The following HNRNPLL variants were observed in gnomAD, a reference collection of about 807,000 sequenced individuals.
HNRNPLL encodes the protein heterogeneous nuclear ribonucleoprotein L-like.
A neutral mutation model predicts 67.1 loss-of-function variants in HNRNPLL; 25 were observed. The observed-to-expected ratio is 0.37, with a 90% CI of 0.27 to 0.52. HNRNPLL has a LOEUF of 0.52. Among genes scored for constraint, HNRNPLL ranks in the 20% least tolerant of loss-of-function variants. The pLI is 0.90. For missense variants in HNRNPLL, 542 were observed against 673.9 expected, an observed-to-expected ratio of 0.80 and a Z score of 2.17; for synonymous variants, 267 against 241.7, an observed-to-expected ratio of 1.10 and a Z score of -0.97.
chr2:38,563,367 A>G lies in HNRNPLL; in HGVS notation c.*815T>C, dbSNP rs1665732316. 1 of 152,130 alleles carries G rather than the reference A, an allele frequency of 6.6e-6. No homozygotes were observed. Among genetic ancestry groups the G allele is most frequent in the Non-Finnish European group, 1.5e-5 (1 of 67,954 alleles). The allele number at this position is 152,130 out of a possible 1,614,324, so 9.4% of individuals were successfully genotyped here. On this transcript the variant is annotated 3_prime_UTR_variant, in exon 13 of 13. Coordinates refer to ENST00000449105, the MANE Select transcript of HNRNPLL (RefSeq NM_138394.4). The stretch of plus-strand genomic sequence containing the variant: ...TTCTACATACAATTTTAGGGGGTAC[A>G]CAGATTCTCTGAAGCCCACCCATGG...
At chr2:38,587,126 T>G (rs75654982) in intron 2 of HNRNPLL, among the ~76,000 whole-genome samples, 2,548 of 152,252 alleles carry the variant, frequency 0.017, 65 homozygotes, top group African/African-American at 0.058. Context: ...ACATCACTGT[T>G]TCTCAATCAG....
intron 7 of HNRNPLL, among the ~76,000 whole-genome samples, chr2:38,575,027 G>A (rs1666245904): frequency 1.3e-5 from 2 of 151,552 alleles, no homozygotes; most frequent in Admixed American, 6.6e-5. Context: ...TCTTTTTCAT[G>A]GAAGTAGAAA....
chr2:38,599,247 T>C (rs994866391), intron 1 of HNRNPLL, among the ~76,000 whole-genome samples: 1 of 152,230 alleles, frequency 6.6e-6, no homozygotes, highest in Admixed American at 6.5e-5. Flanking sequence ...TTTCACTTCA[T>C]CAGCAAACCA....
intron 1 of HNRNPLL, among the ~76,000 whole-genome samples, chr2:38,598,062 C>G (rs556293751): frequency 6.6e-6 from 1 of 151,824 alleles, no homozygotes; most frequent in Admixed American, 6.6e-5. Flanking sequence ...TTTTGCCTAC[C>G]CAGAATTCCT....
chr2:38,569,105 C>G, intron 10 of HNRNPLL, 28 bp downstream of exon 10: 2 of 1,439,068 alleles, frequency 1.4e-6, no homozygotes, highest in East Asian at 4.5e-5. Flanking sequence ...TAGCAACATT[C>G]TATACACATT....
intron 1 of HNRNPLL, among the ~76,000 whole-genome samples, chr2:38,593,881 A>C (rs149890413): frequency 0.014 from 2,126 of 150,260 alleles, 11 homozygotes; most frequent in Middle Eastern, 0.052. Flanking sequence ...AACAAAAAAA[A>C]ACCTAAATGC....
At chr2:38,577,581 T>TC (rs781444130) in intron 6 of HNRNPLL, 49 bp from the exon 7 acceptor site, 9 of 1,129,810 alleles carry the variant, frequency 8.0e-6, no homozygotes, top group Middle Eastern at 2.0e-4. Context: ...CCCAAGTACT[T>TC]AATGGAGTTC....
intron 1 of HNRNPLL, chr2:38,601,641 T>C (rs941309663): frequency 1.1e-4 from 17 of 152,222 alleles, no homozygotes; most frequent in African/African-American, 3.9e-4. Context: ...GAGAAAGACC[T>C]GGCTCTAGGA....
intron 8 of HNRNPLL, 32 bp from the exon 9 acceptor site, chr2:38,569,957 T>C (rs892151581): frequency 2.0e-6 from 3 of 1,511,382 alleles, no homozygotes; most frequent in Non-Finnish European, 2.7e-6. Flanking sequence ...AAGGTGACCA[T>C]TTAATTCCCT....
At chr2:38,589,683 C>A (rs1302477053) in intron 2 of HNRNPLL, among the ~76,000 whole-genome samples, 2 of 152,106 alleles carry the variant, frequency 1.3e-5, no homozygotes, top group African/African-American at 4.8e-5. Flanking sequence ...CAAAGGTCAC[C>A]AGGAGTAATT....
intron 8 of HNRNPLL, among the ~76,000 whole-genome samples, chr2:38,570,729 AC>A (rs928496547): frequency 8.6e-4 from 131 of 152,186 alleles, no homozygotes; most frequent in African/African-American, 3.0e-3. Flanking sequence ...CATTCCAAGA[AC>A]CCCAATGGAT....
intron 4 of HNRNPLL, among the ~76,000 whole-genome samples, chr2:38,582,678 G>A (rs901816269): frequency 6.6e-6 from 1 of 152,076 alleles, no homozygotes; most frequent in Non-Finnish European, 1.5e-5. Context: ...CCAGCACTTT[G>A]GGAGGCTGAA....
In HNRNPLL at chr2:38,591,609, C is replaced by T. The variant is rs889887116; in HGVS notation, c.229G>A (p.Val77Ile). ...GSHHKVSVSP[V>I]VHVRGLCESV... is the part of the protein sequence containing the mutation. ...TCACAGAGTCCTCGAACATGGACGA[C>T]GGGTGAAACAGAAACTTTATGATGA... The change falls in exon 2 of 13, where the codon GTC becomes ATC. Residue 77 changes from valine to isoleucine, a missense_variant. Around this residue, in one of 2 missense-constraint regions of HNRNPLL, gnomAD observed 415 missense variants for 575.2 expected, o/e 0.72. Coordinates refer to ENST00000449105, the MANE Select transcript of HNRNPLL (RefSeq NM_138394.4). 1.2e-6 allele frequency: 2 copies of T among 1,613,438 alleles called. No individual in the cohort carries two copies. The highest frequency in any genetic ancestry group is 1.7e-6 in the Non-Finnish European group (2 of 1,179,458).
intron 1 of HNRNPLL, among the ~76,000 whole-genome samples, chr2:38,597,692 T>TC (rs1491513896): frequency 3.8e-5 from 3 of 79,164 alleles, no homozygotes; most frequent in African/African-American, 1.1e-4. Context: ...ACTTTTTTTA[T>TC]TTTTTTTTTT....
chr2:38,597,843 A>G (rs1003902470), intron 1 of HNRNPLL, among the ~76,000 whole-genome samples: 1 of 151,698 alleles, frequency 6.6e-6, no homozygotes, highest in Admixed American at 6.6e-5. Context: ...GCGTGCCACC[A>G]CACCCGGCTA....
intron 2 of HNRNPLL, 26 bp from the exon 3 acceptor site, chr2:38,585,907 A>G (rs1558540019): frequency 7.6e-7 from 1 of 1,314,272 alleles, no homozygotes; most frequent in Non-Finnish European, 1.1e-6. Context: ...AGGAGGAAAC[A>G]CACAAACACA....
At chr2:38,571,214 C>T (rs1666069329) in intron 8 of HNRNPLL, among the ~76,000 whole-genome samples, 1 of 152,056 alleles carries the variant, frequency 6.6e-6, no homozygotes, top group African/African-American at 2.4e-5. Flanking sequence ...ATAAATTAGG[C>T]ACAGTAATAG....
intron 6 of HNRNPLL, among the ~76,000 whole-genome samples, chr2:38,579,347 C>A (rs1666427879): frequency 6.6e-6 from 1 of 151,948 alleles, no homozygotes; most frequent in Non-Finnish European, 1.5e-5. Context: ...CAGCATGGCA[C>A]ATGTATACAT....
At chr2:38,596,931 G>A (rs1199385575) in intron 1 of HNRNPLL, among the ~76,000 whole-genome samples, 2 of 152,126 alleles carry the variant, frequency 1.3e-5, no homozygotes, top group Non-Finnish European at 2.9e-5. Context: ...GCATTATTTG[G>A]TCTCTACTAC....
Sources: gnomAD v4.1 joint callset for allele counts (sites outside exome capture counted in the v4.1 genomes callset) on GRCh38, gnomAD v4.1.1 for gene constraint, gnomAD v4.1.1 regional missense constraint, MANE v1.5 for transcripts, NCBI Gene and HGNC (gene_info 2026-07-23, HGNC 2026-07-21) for gene names.